Variants in RHBDD1 observed in about 807,000 individuals in gnomAD.
RHBDD1 encodes the protein rhomboid-related protein 4.
In RHBDD1, 38 loss-of-function variants were observed where a neutral mutation model predicts 36.3. The observed-to-expected ratio is 1.05, with a 90% CI of 0.81 to 1.37. RHBDD1 has a LOEUF of 1.37. Among genes scored for constraint, RHBDD1 ranks in the 40% most tolerant of loss-of-function variants. The probability of loss-of-function intolerance (pLI) is 0.00; values close to 1 mark genes in which losing one functional copy is unlikely to be tolerated. For synonymous variants in RHBDD1, 151 were observed against 136.5 expected, an observed-to-expected ratio of 1.11 and a Z score of -0.74; for missense variants, 393 against 377.6, an observed-to-expected ratio of 1.04 and a Z score of -0.34.
At chr2:226,933,817 C>G (rs1950176827) in intron 8 of RHBDD1, among the ~76,000 whole-genome samples, 1 of 152,118 alleles carries the variant, frequency 6.6e-6, no homozygotes, top group Non-Finnish European at 1.5e-5. Flanking sequence ...AGGAGCATTC[C>G]TTATTCTTCA....
At chr2:226,827,848 A>G in the RHBDD1 span, among the ~76,000 whole-genome samples, 2 of 152,222 alleles carry the variant, frequency 1.3e-5, no homozygotes, top group South Asian at 2.1e-4. Context: ...TGAGCATAGC[A>G]TGTGGATGGG....
At chr2:226,832,218 C>A (rs1453564454), upstream of RHBDD1, among the ~76,000 whole-genome samples, 1 of 152,106 alleles carries the variant, frequency 6.6e-6, no homozygotes, top group Non-Finnish European at 1.5e-5. Context: ...TTTCAAAATA[C>A]TTTCTAATTT....
In RHBDD1 at chr2:226,950,836, C is replaced by CA. The variant is rs1439644609; in HGVS notation, c.856+36485_856+36486insA. On this transcript the variant is annotated intron_variant, in intron 8 of 8. Transcript: ENST00000392062. ...TTTTAAAAATTGGGTTGTTTTCTTG[C>CA]CTTTGAGTTGAGTTTCTTATGTTTT... Among the ~76,000 whole-genome samples, 3 of 152,142 alleles carry CA rather than the reference C, an allele frequency of 2.0e-5. No individual in the cohort carries two copies. The East Asian group carries it at 5.8e-4, about 29-fold the overall frequency.
intron 8 of RHBDD1, among the ~76,000 whole-genome samples, chr2:226,979,168 A>G (rs1017652281): frequency 2.6e-5 from 4 of 152,144 alleles, no homozygotes; most frequent in Non-Finnish European, 5.9e-5. Context: ...AAGGCCCAAG[A>G]GCCCCCAAGA....
chr2:226,844,619 C>G (rs1942025422), intron 3 of RHBDD1, among the ~76,000 whole-genome samples: 1 of 152,154 alleles, frequency 6.6e-6, no homozygotes, highest in South Asian at 2.1e-4. Context: ...AAATCTGGTG[C>G]AGAGTAAACC....
intron 8 of RHBDD1, among the ~76,000 whole-genome samples, chr2:226,958,243 T>C (rs992459161): frequency 6.6e-6 from 1 of 152,164 alleles, no homozygotes; most frequent in African/African-American, 2.4e-5. Context: ...TGGATGAACC[T>C]GAAAGTAGTA....
intron 3 of RHBDD1, among the ~76,000 whole-genome samples, chr2:226,860,431 C>T (rs1287131128): frequency 6.6e-6 from 1 of 152,122 alleles, no homozygotes; most frequent in African/African-American, 2.4e-5. Flanking sequence ...GCACAGCACT[C>T]TAAAAATTTC....
chr2:226,880,986 T>C (rs1004567507), intron 5 of RHBDD1, among the ~76,000 whole-genome samples: 15 of 152,158 alleles, frequency 9.9e-5, no homozygotes, highest in Admixed American at 2.0e-4. Context: ...TGCTCAAGAC[T>C]GGGTAGTTTA....
intron 8 of RHBDD1, chr2:226,969,050 A>G (rs1169693212): frequency 2.9e-5 from 6 of 209,016 alleles, no homozygotes; most frequent in Non-Finnish European, 6.1e-5. Context: ...GGGATAAACA[A>G]GGTGTTGCTT....
Position 226,997,000 on chromosome 2 carries a change from G to A in RHBDD1, c.*1478G>A, listed in dbSNP as rs1017519636. The A allele has an allele frequency of 2.6e-5, 4 of 152,128 alleles. No homozygotes were observed. Among genetic ancestry groups the A allele is most frequent in the South Asian group, 2.1e-4 (1 of 4,828 alleles). 9.4% of individuals were successfully genotyped at this position (152,128 alleles called of 1,614,324 possible). ...GTGGTATTGTCTTATCAATTTTTCC[G>A]TTGATACATTCAGCAAATTTGGAGC... On this transcript the variant is annotated 3_prime_UTR_variant, in exon 9 of 9. Transcript: ENST00000392062.
the RHBDD1 span, among the ~76,000 whole-genome samples, chr2:226,824,665 T>G: frequency 6.6e-6 from 1 of 152,226 alleles, no homozygotes; most frequent in Non-Finnish European, 1.5e-5. Flanking sequence ...TTAGCAATAC[T>G]TCTACAAATT....
At chr2:226,943,561 A>C (rs1423470929) in intron 8 of RHBDD1, among the ~76,000 whole-genome samples, 1 of 152,218 alleles carries the variant, frequency 6.6e-6, no homozygotes, top group Non-Finnish European at 1.5e-5. Flanking sequence ...ATAGTGTTTA[A>C]TAAGTGTACT....
At chr2:226,832,450 C>T (rs1462591612), upstream of RHBDD1, among the ~76,000 whole-genome samples, 2 of 152,194 alleles carry the variant, frequency 1.3e-5, no homozygotes, top group African/African-American at 4.8e-5. Flanking sequence ...ATTCAGCTGT[C>T]ATTAAGTACA....
chr2:226,986,609 T>C (rs898332139), intron 8 of RHBDD1, among the ~76,000 whole-genome samples: 4 of 152,122 alleles, frequency 2.6e-5, no homozygotes, highest in African/African-American at 9.7e-5. Context: ...ATTAGAGAAA[T>C]GCAAATCAAA....
the RHBDD1 span, among the ~76,000 whole-genome samples, chr2:226,818,429 G>A: frequency 6.6e-6 from 1 of 151,010 alleles, no homozygotes; most frequent in Non-Finnish European, 1.5e-5. Flanking sequence ...GCCTCCCAAA[G>A]TGCTGGGATT....
intron 8 of RHBDD1, among the ~76,000 whole-genome samples, chr2:226,963,738 A>G (rs116380214): frequency 0.021 from 3,162 of 152,234 alleles, 99 homozygotes; most frequent in African/African-American, 0.073. Flanking sequence ...GCTAAGCCTT[A>G]TTAGAGAACA....
intron 5 of RHBDD1, among the ~76,000 whole-genome samples, chr2:226,881,659 T>C (rs1216024145): frequency 2.6e-5 from 4 of 152,232 alleles, no homozygotes; most frequent in Non-Finnish European, 5.9e-5. Context: ...ACACTGTCGC[T>C]GACTTTCTGT....
At chr2:226,805,493 G>C in the RHBDD1 span, among the ~76,000 whole-genome samples, 1 of 152,176 alleles carries the variant, frequency 6.6e-6, no homozygotes, top group African/African-American at 2.4e-5. Flanking sequence ...GATTATAGGC[G>C]TGTGCCACCA....
chr2:226,904,712 G>A (rs1200308194), intron 5 of RHBDD1, among the ~76,000 whole-genome samples: 2 of 152,192 alleles, frequency 1.3e-5, no homozygotes, highest in Non-Finnish European at 2.9e-5. Flanking sequence ...GAGCCAGCGA[G>A]TCTTTTCATA....
Sources: allele counts gnomAD v4.1 joint callset (sites outside exome capture counted in the v4.1 genomes callset), GRCh38; gene constraint gnomAD v4.1.1; transcripts MANE v1.5; gene names NCBI Gene and HGNC (gene_info 2026-07-23, HGNC 2026-07-21).